Variants in ZNF730 observed in about 807,000 individuals in gnomAD.
The protein encoded by ZNF730 is putative zinc finger protein 730.
A neutral mutation model predicts 12.6 loss-of-function variants in ZNF730; 12 were observed. That is an observed-to-expected ratio of 0.95 (90% CI 0.61 to 1.54). ZNF730 has a LOEUF of 1.54. Among genes scored for constraint, ZNF730 ranks in the 40% most tolerant of loss-of-function variants. The probability of loss-of-function intolerance (pLI) is 0.00; values close to 1 mark genes in which losing one functional copy is unlikely to be tolerated. For missense variants in ZNF730, 643 were observed against 583.5 expected (o/e 1.10, Z -1.05); for synonymous variants, 194 against 195.8 (o/e 0.99, Z 0.08).
At chr19:23,093,449 C>T (rs1043712649) in intron 1 of ZNF730, among the ~76,000 whole-genome samples, 6 of 152,182 alleles carry the variant, frequency 3.9e-5, no homozygotes, top group African/African-American at 1.2e-4. Context: ...CCGGAAGGGA[C>T]GGCATGCTGC....
At chr19:23,092,795 TG>T (rs940470295) in intron 1 of ZNF730, among the ~76,000 whole-genome samples, 3 of 152,072 alleles carry the variant, frequency 2.0e-5, no homozygotes, top group Non-Finnish European at 4.4e-5. Flanking sequence ...CTGATTCTGG[TG>T]GATAAGTTTT....
Position 23,140,009 on chromosome 19 carries a change from T to C in ZNF730, c.226+3966T>C, listed in dbSNP as rs571970196. On this transcript the variant is annotated intron_variant, in intron 3 of 3. Coordinates refer to ENST00000597761, the MANE Select transcript of ZNF730 (RefSeq NM_001277403.2). ...TTGCAACTCTGTTTGTACATATAAG[T>C]CAATGTGGGATATAATTAAGAGATA... Among the ~76,000 whole-genome samples the C allele has an allele frequency of 1.5e-3, 234 of 152,268 alleles. 1 individual carries two copies. The highest frequency in any genetic ancestry group is 5.5e-3 in the African/African-American group (228 of 41,538).
intron 3 of ZNF730, among the ~76,000 whole-genome samples, chr19:23,139,512 CTT>C (rs946822016): frequency 6.6e-6 from 1 of 151,858 alleles, no homozygotes; most frequent in Non-Finnish European, 1.5e-5. Context: ...TAGACAAACT[CTT>C]TTTTTGTTTT....
At chr19:23,117,855 A>G (rs566255655) in intron 1 of ZNF730, among the ~76,000 whole-genome samples, 5 of 152,192 alleles carry the variant, frequency 3.3e-5, no homozygotes, top group Non-Finnish European at 7.3e-5. Context: ...TTAATGTAGT[A>G]ATTTACAAAA....
chr19:23,121,142 G>C (rs1293270822), intron 1 of ZNF730, among the ~76,000 whole-genome samples: 2 of 151,710 alleles, frequency 1.3e-5, no homozygotes, highest in Non-Finnish European at 2.9e-5. Context: ...TAGAGTATTT[G>C]ACACGTGGTG....
intron 1 of ZNF730, among the ~76,000 whole-genome samples, chr19:23,101,589 GATGA>G (rs1428158333): frequency 2.0e-5 from 3 of 152,184 alleles, no homozygotes; most frequent in African/African-American, 7.2e-5. Flanking sequence ...CCAGCCCACA[GATGA>G]GATTGTGACA....
chr19:23,102,365 T>C (rs374145848), intron 1 of ZNF730, among the ~76,000 whole-genome samples: 1 of 152,174 alleles, frequency 6.6e-6, no homozygotes, highest in African/African-American at 2.4e-5. Context: ...TCAGAAAAGA[T>C]TGTGATGTAC....
chr19:23,092,098 C>T (rs1019275647), intron 1 of ZNF730, among the ~76,000 whole-genome samples: 1 of 152,148 alleles, frequency 6.6e-6, no homozygotes. Context: ...GAATATCTCT[C>T]TCAAGATCTG....
Position 23,117,192 on chromosome 19 carries a change from C to A in ZNF730, c.3+16C>A. 1 of 1,613,934 alleles carries A rather than the reference C, an allele frequency of 6.2e-7. No homozygotes were observed. Among genetic ancestry groups the A allele is most frequent in the Non-Finnish European group, 8.5e-7 (1 of 1,179,858 alleles). On this transcript the variant is annotated intron_variant, in intron 1 of 3. Transcript: ENST00000597761. The stretch of plus-strand genomic sequence containing the variant: ...CCTAGAAATGGTGAGAGTGCCGGTC[C>A]GACATCCCGAGAGAGGGAACGGGGC...
intron 2 of ZNF730, among the ~76,000 whole-genome samples, chr19:23,134,471 G>A (rs952737878): frequency 4.7e-5 from 7 of 148,576 alleles, no homozygotes; most frequent in Non-Finnish European, 9.0e-5. Context: ...CCGGGAGGGA[G>A]GTGGGGGGGC....
chr19:23,131,394 T>C (rs981525936), intron 1 of ZNF730, among the ~76,000 whole-genome samples: 4 of 152,270 alleles, frequency 2.6e-5, no homozygotes, highest in Admixed American at 6.5e-5. Context: ...TAGCATCTTA[T>C]TGAGCTTGTA....
chr19:23,080,926 A>G (rs1458840682), intron 1 of ZNF730, among the ~76,000 whole-genome samples: 1 of 147,280 alleles, frequency 6.8e-6, no homozygotes, highest in Non-Finnish European at 1.5e-5. Flanking sequence ...GTTTACTGCA[A>G]TCTCTGCCTC....
At chr19:23,130,276 T>C (rs1236877012) in intron 1 of ZNF730, among the ~76,000 whole-genome samples, 1 of 152,184 alleles carries the variant, frequency 6.6e-6, no homozygotes, top group Non-Finnish European at 1.5e-5. Flanking sequence ...GCACAAGCTC[T>C]CTCTTTGCCT....
chr19:23,133,310 A>G (rs1406059588), intron 1 of ZNF730, among the ~76,000 whole-genome samples: 3 of 152,148 alleles, frequency 2.0e-5, no homozygotes, highest in African/African-American at 7.2e-5. Flanking sequence ...AAATATTGGC[A>G]TCACTGGTCA....
intron 1 of ZNF730, among the ~76,000 whole-genome samples, chr19:23,084,505 G>A (rs1308681475): frequency 1.3e-5 from 2 of 152,124 alleles, no homozygotes; most frequent in African/African-American, 4.8e-5. Context: ...AAGTTCAGGG[G>A]TACAAGTGTA....
intron 1 of ZNF730, among the ~76,000 whole-genome samples, chr19:23,084,704 C>T (rs754090695): frequency 2.6e-5 from 4 of 152,184 alleles, no homozygotes. Context: ...TAAATGAGAA[C>T]ATGCAGTATT....
chr19:23,141,245 AT>A (rs1310092516), intron 3 of ZNF730, among the ~76,000 whole-genome samples: 1 of 151,768 alleles, frequency 6.6e-6, no homozygotes, highest in East Asian at 2.0e-4. Flanking sequence ...ATACAAAAAA[AT>A]TAGCCGGGTG....
chr19:23,079,443 C>G (rs916624054), intron 1 of ZNF730, among the ~76,000 whole-genome samples: 1 of 152,194 alleles, frequency 6.6e-6, no homozygotes, highest in Admixed American at 6.5e-5. Context: ...CAGCCATAGC[C>G]ACCGCGCCCG....
chr19:23,130,746 CA>C, intron 1 of ZNF730, among the ~76,000 whole-genome samples: 1 of 152,246 alleles, frequency 6.6e-6, no homozygotes, highest in East Asian at 1.9e-4. Flanking sequence ...TTAAATTACA[CA>C]AACTCTGAGA....
Sources: allele counts gnomAD v4.1 joint callset (sites outside exome capture counted in the v4.1 genomes callset), GRCh38; gene constraint gnomAD v4.1.1; transcripts MANE v1.5; gene names NCBI Gene and HGNC (gene_info 2026-07-23, HGNC 2026-07-21).